WWC2: variants seen among roughly 807,000 people sequenced by gnomAD.
The protein encoded by WWC2 is protein WWC2.
Under a neutral mutation model 138.5 loss-of-function variants are expected in WWC2, and 101 were observed. The ratio of observed to expected loss-of-function variants is 0.73; its 90% confidence interval spans 0.62 to 0.86. The LOEUF is 0.86. Among genes scored for constraint, WWC2 ranks in the 40% least tolerant of loss-of-function variants. The probability of loss-of-function intolerance (pLI) is 0.00; values close to 1 mark genes in which losing one functional copy is unlikely to be tolerated. For missense variants in WWC2, 1,420 were observed against 1,419.4 expected, an observed-to-expected ratio of 1.00 and a Z score of -0.01; for synonymous variants, 558 against 538.4, an observed-to-expected ratio of 1.04 and a Z score of -0.50.
At chr4:183,303,802 T>C (rs957525149) in intron 21 of WWC2, among the ~76,000 whole-genome samples, 3 of 152,264 alleles carry the variant, frequency 2.0e-5, no homozygotes, top group African/African-American at 7.2e-5. Flanking sequence ...TAAACAGTTA[T>C]ATGAATACAC....
chr4:183,130,339 C>T (rs867181639), intron 1 of WWC2, among the ~76,000 whole-genome samples: 4 of 152,068 alleles, frequency 2.6e-5, no homozygotes, highest in African/African-American at 4.8e-5. Flanking sequence ...CGTGAGCCAG[C>T]GCTCCCAGCC....
At chr4:183,107,532 G>A (rs1422669692) in intron 1 of WWC2, among the ~76,000 whole-genome samples, 2 of 152,036 alleles carry the variant, frequency 1.3e-5, no homozygotes, top group Non-Finnish European at 1.5e-5. Flanking sequence ...TTCCCTCTTC[G>A]TAGTGTTTTG....
At chr4:183,280,229 G>GTTTTTTTT (rs869235261) in intron 16 of WWC2, among the ~76,000 whole-genome samples, 18 of 65,442 alleles carry the variant, frequency 2.8e-4, no homozygotes, top group South Asian at 8.4e-4. Flanking sequence ...GATAGCAGCT[G>GTTTTTTTT]TTTTTTTTTT....
intron 1 of WWC2, among the ~76,000 whole-genome samples, chr4:183,128,686 A>G (rs1732835028): frequency 6.6e-6 from 1 of 152,202 alleles, no homozygotes; most frequent in Non-Finnish European, 1.5e-5. Context: ...CTACAGTTGT[A>G]TAATCAGGGC....
intron 1 of WWC2, among the ~76,000 whole-genome samples, chr4:183,114,231 G>C (rs760900346): frequency 2.6e-5 from 4 of 152,130 alleles, no homozygotes; most frequent in Non-Finnish European, 4.4e-5. Flanking sequence ...TGATGTGCCT[G>C]CTCCTCTTTT....
chr4:183,223,361 A>G (rs912353307), intron 4 of WWC2, among the ~76,000 whole-genome samples: 2 of 152,254 alleles, frequency 1.3e-5, no homozygotes, highest in African/African-American at 2.4e-5. Context: ...ATACTAAACA[A>G]TATACATGAG....
intron 6 of WWC2, among the ~76,000 whole-genome samples, chr4:183,246,901 A>G (rs1736797916): frequency 6.6e-6 from 1 of 152,192 alleles, no homozygotes. Flanking sequence ...AACTGGAGCA[A>G]ATCTACATTG....
rs199697045 is a variant in WWC2 at position 183,319,677 on chromosome 4, C to A, written c.*3948C>A. The A allele has an allele frequency of 6.2e-7, 1 of 1,614,084 alleles. No homozygotes were observed. The highest frequency in any genetic ancestry group is 2.2e-5 in the East Asian group (1 of 44,872). Reference sequence around the variant, plus strand: ...GGAGCAGGCTGCACAGTGGAGCAGACACCCTCCTAGCAGAAGAGAAAGTCC... The same window carrying A: ...GGAGCAGGCTGCACAGTGGAGCAGAAACCCTCCTAGCAGAAGAGAAAGTCC... On this transcript the variant is annotated 3_prime_UTR_variant, in exon 23 of 23. Transcript: ENST00000403733.
At chr4:183,154,452 G>A (rs898348864) in intron 1 of WWC2, among the ~76,000 whole-genome samples, 1 of 152,098 alleles carries the variant, frequency 6.6e-6, no homozygotes, top group South Asian at 2.1e-4. Context: ...GGAATATCTC[G>A]TGATGACCCT....
At chr4:183,231,902 G>A (rs760014944) in intron 4 of WWC2, among the ~76,000 whole-genome samples, 6 of 152,286 alleles carry the variant, frequency 3.9e-5, no homozygotes, top group Non-Finnish European at 7.4e-5. Flanking sequence ...CAGCAGTGAT[G>A]AAGAAATCAG....
chr4:183,107,171 C>T (rs985145693), intron 1 of WWC2, among the ~76,000 whole-genome samples: 1 of 151,518 alleles, frequency 6.6e-6, no homozygotes, highest in Non-Finnish European at 1.5e-5. Flanking sequence ...TTTCTTTCTT[C>T]TTTTGAGACG....
intron 1 of WWC2, among the ~76,000 whole-genome samples, chr4:183,166,986 A>G (rs1296670381): frequency 6.6e-6 from 1 of 152,156 alleles, no homozygotes; most frequent in Non-Finnish European, 1.5e-5. Flanking sequence ...CCAAGGCACC[A>G]TGTGGCTGGG....
intron 17 of WWC2, chr4:183,281,278 A>C: frequency 3.8e-6 from 1 of 263,530 alleles, no homozygotes; most frequent in Non-Finnish European, 7.1e-6. Context: ...GGCTCTAGTA[A>C]GACAAAGCAG....
At chr4:183,114,275 C>A (rs1732342896) in intron 1 of WWC2, among the ~76,000 whole-genome samples, 1 of 152,160 alleles carries the variant, frequency 6.6e-6, no homozygotes, top group South Asian at 2.1e-4. Flanking sequence ...TCCTGAAGCT[C>A]TTCCCAGGAG....
At chr4:183,125,848 T>C (rs1213658061) in intron 1 of WWC2, among the ~76,000 whole-genome samples, 2 of 152,326 alleles carry the variant, frequency 1.3e-5, no homozygotes, top group Non-Finnish European at 2.9e-5. Context: ...TGCATGGCAC[T>C]GAAGGCCTTT....
chr4:183,263,582 G>A (rs1316891324), intron 11 of WWC2, among the ~76,000 whole-genome samples: 6 of 152,344 alleles, frequency 3.9e-5, no homozygotes, highest in East Asian at 3.9e-4. Flanking sequence ...TCAGTTGCAT[G>A]TCTGAAAACA....
intron 19 of WWC2, among the ~76,000 whole-genome samples, chr4:183,284,754 T>C (rs779176517): frequency 5.9e-5 from 9 of 152,222 alleles, no homozygotes; most frequent in Admixed American, 2.6e-4. Flanking sequence ...CATATGTCCT[T>C]CAAACCATGT....
intron 15 of WWC2, chr4:183,269,441 C>T: frequency 1.8e-6 from 1 of 568,244 alleles, no homozygotes. Context: ...TTTGTGACAG[C>T]TATCACTCAT....
At chr4:183,207,225 T>C (rs1735471880) in intron 2 of WWC2, among the ~76,000 whole-genome samples, 1 of 151,762 alleles carries the variant, frequency 6.6e-6, no homozygotes, top group African/African-American at 2.4e-5. Context: ...TGGTTGATTG[T>C]AGTTTGTGGA....
Sources: allele counts gnomAD v4.1 joint callset (sites outside exome capture counted in the v4.1 genomes callset), GRCh38; gene constraint gnomAD v4.1.1; transcripts MANE v1.5; gene names NCBI Gene and HGNC (gene_info 2026-07-23, HGNC 2026-07-21).